MAGI2: variants seen among roughly 807,000 people sequenced by gnomAD.
The protein encoded by MAGI2 is membrane associated guanylate kinase, WW and PDZ domain containing 2.
Under a neutral mutation model 133.3 loss-of-function variants are expected in MAGI2, and 35 were observed. The observed-to-expected ratio is 0.26, with a 90% confidence interval of 0.20 to 0.35. The LOEUF is 0.35. Ranked by LOEUF, MAGI2 falls within the 10% of genes least tolerant of loss-of-function variation. The pLI, the probability that MAGI2 is intolerant of heterozygous loss-of-function variation, is 1.00. For missense variants in MAGI2, 1,636 were observed against 1,863.4 expected (o/e 0.88, Z 2.25); for synonymous variants, 729 against 710.6 (o/e 1.03, Z -0.41).
chr7:78,942,321 C>G (rs1801051224), intron 2 of MAGI2, among the ~76,000 whole-genome samples: 1 of 151,886 alleles, frequency 6.6e-6, no homozygotes, highest in Admixed American at 6.6e-5. Flanking sequence ...CCCCATTATT[C>G]CCTGTTGATT....
rs540007358 is a variant in MAGI2, at chr7:78,906,328, G to A, written c.418+100762C>T. 3.0e-4 allele frequency among the ~76,000 whole-genome samples: 46 copies of A among 152,260 alleles called. No individual in the cohort carries two copies. In the South Asian group the frequency reaches 4.3e-3, roughly 14 times the overall value. On this transcript the variant is annotated intron_variant, in intron 2 of 21. Coordinates refer to ENST00000354212, the MANE Select transcript of MAGI2 (RefSeq NM_012301.4). ...ATACTCCCTCTTCATTTTCTCTTCC[G>A]TTTCATTGCTTTCGTCTAGTTACAT...
At chr7:78,358,102 G>T (rs145928750) in intron 7 of MAGI2, among the ~76,000 whole-genome samples, 202 of 139,810 alleles carry the variant, frequency 1.4e-3, no homozygotes, top group African/African-American at 5.0e-3. Context: ...AGTCGAGGCT[G>T]CAGTGAGCAG....
chr7:78,408,164 CAG>C (rs5885058), intron 6 of MAGI2, among the ~76,000 whole-genome samples: 57 of 152,016 alleles, frequency 3.7e-4, no homozygotes, highest in African/African-American at 1.4e-3. Flanking sequence ...AATATAAAAA[CAG>C]TATATATTTA....
rs1179872607 is a variant in MAGI2, at chr7:78,127,259, C to A, written c.3361G>T (p.Asp1121Tyr). ...PLDYRQPPLLDYRQHSPDTRQ... is the reference protein window; with the variant it reads ...PLDYRQPPLLYYRQHSPDTRQ... ...GTGTCGGGGGAGTGCTGCCTGTAGT[C>A]CAGTAGGGGAGGCTGCCTGTAGTCC... Residue 1121 changes from aspartate to tyrosine, a missense_variant, in exon 19 of 22, where the codon GAC becomes TAC. Asp to Tyr is a radical substitution (Grantham distance 160). Coordinates refer to ENST00000354212, the MANE Select transcript of MAGI2 (RefSeq NM_012301.4). The A allele has an allele frequency of 4.4e-6, 7 of 1,608,630 alleles. No individual in the cohort carries two copies. Among genetic ancestry groups the A allele is most frequent in the Non-Finnish European group, 5.9e-6 (7 of 1,177,274 alleles).
chr7:78,533,010 C>T lies in MAGI2; in HGVS notation c.539-11365G>A, dbSNP rs567305793. On this transcript the variant is annotated intron_variant, in intron 3 of 21. Coordinates refer to ENST00000354212, the MANE Select transcript of MAGI2 (RefSeq NM_012301.4). ...AGGCTGGAGTGCAGTGGCACAATCT[C>T]GGCTCACTGCAAGCTCTGCCTCCCG... 2.8e-3 allele frequency among the ~76,000 whole-genome samples: 420 copies of T among 151,700 alleles called. 4 individuals carry two copies. The highest frequency in any genetic ancestry group is 9.6e-3 in the African/African-American group (397 of 41,360).
intron 9 of MAGI2, among the ~76,000 whole-genome samples, chr7:78,272,476 T>G (rs1017107499): frequency 6.6e-6 from 1 of 152,200 alleles, no homozygotes; most frequent in Non-Finnish European, 1.5e-5. Context: ...CAGAGCTGAG[T>G]TCAAGTCCTG....
Position 79,079,661 on chromosome 7 carries a change from A to T in MAGI2, c.302-72455T>A, listed in dbSNP as rs538104625. On this transcript the variant is annotated intron_variant, in intron 1 of 21. Coordinates refer to ENST00000354212, the MANE Select transcript of MAGI2 (RefSeq NM_012301.4). The stretch of plus-strand genomic sequence containing the variant: ...TGAGGTACTCACATATCTAGACATG[A>T]AACTAGAAAACCTGACTATCAATAG... Among the ~76,000 whole-genome samples, 8 of 152,302 alleles carry T rather than the reference A, an allele frequency of 5.3e-5. No individual in the cohort carries two copies. In the East Asian group the frequency reaches 1.5e-3, roughly 29 times the overall value.
chr7:78,991,082 C>T (rs375023717), intron 2 of MAGI2, among the ~76,000 whole-genome samples: 2 of 151,796 alleles, frequency 1.3e-5, no homozygotes, highest in African/African-American at 4.8e-5. Flanking sequence ...AGTGAAGGAG[C>T]TCTCACGAGA....
chr7:78,042,211 G>C (rs148671619), intron 21 of MAGI2, among the ~76,000 whole-genome samples: 12 of 152,172 alleles, frequency 7.9e-5, no homozygotes, highest in African/African-American at 2.4e-4. Context: ...CAGGGTCATG[G>C]GGTCTTTGTT....
At chr7:79,431,007 T>G (rs1847739746) in intron 1 of MAGI2, among the ~76,000 whole-genome samples, 1 of 152,218 alleles carries the variant, frequency 6.6e-6, no homozygotes, top group Non-Finnish European at 1.5e-5. Flanking sequence ...ACCTATTCTT[T>G]TCTTTCCCTT....
chr7:78,457,293 T>C (rs1044233216), intron 6 of MAGI2, among the ~76,000 whole-genome samples: 4 of 152,204 alleles, frequency 2.6e-5, no homozygotes, highest in Admixed American at 2.6e-4. Flanking sequence ...TTCTATGTTG[T>C]TTTATTCCCT....
chr7:78,237,500 T>A (rs1790675688), intron 10 of MAGI2, among the ~76,000 whole-genome samples: 1 of 152,158 alleles, frequency 6.6e-6, no homozygotes, highest in Non-Finnish European at 1.5e-5. Flanking sequence ...AAGAATCTCC[T>A]CGATACAATG....
At chr7:78,924,302 G>A (rs562682848) in intron 2 of MAGI2, among the ~76,000 whole-genome samples, 2 of 152,150 alleles carry the variant, frequency 1.3e-5, no homozygotes, top group East Asian at 1.9e-4. Context: ...TCCAGTTGTT[G>A]CCCATTCAGT....
chr7:78,670,530 C>T (rs1223089889), intron 2 of MAGI2, among the ~76,000 whole-genome samples: 1 of 152,188 alleles, frequency 6.6e-6, no homozygotes, highest in Non-Finnish European at 1.5e-5. Flanking sequence ...CCATCCCCAT[C>T]AAGCTACCAA....
At chr7:78,708,731 C>T (rs1818889795) in intron 2 of MAGI2, among the ~76,000 whole-genome samples, 1 of 152,076 alleles carries the variant, frequency 6.6e-6, no homozygotes, top group African/African-American at 2.4e-5. Context: ...GTGGTAAGCT[C>T]ACCCTCACAT....
chr7:79,415,282 G>A (rs2129174585), intron 1 of MAGI2: 1 of 152,202 alleles, frequency 6.6e-6, no homozygotes, highest in Admixed American at 6.6e-5. Flanking sequence ...CTGAATTCAG[G>A]CTAATTGTAT....
At chr7:78,676,195 C>T (rs1356432435) in intron 2 of MAGI2, among the ~76,000 whole-genome samples, 2 of 151,934 alleles carry the variant, frequency 1.3e-5, no homozygotes, top group African/African-American at 4.8e-5. Context: ...TCTATAGTCC[C>T]AAAAGATATA....
intron 2 of MAGI2, among the ~76,000 whole-genome samples, chr7:78,825,090 G>A (rs1018574871): frequency 6.6e-6 from 1 of 152,056 alleles, no homozygotes; most frequent in African/African-American, 2.4e-5. Flanking sequence ...AAGGGAGGGA[G>A]AGCATTTGGA....
At chr7:79,251,670 G>A (rs1197493568) in intron 1 of MAGI2, among the ~76,000 whole-genome samples, 1 of 152,128 alleles carries the variant, frequency 6.6e-6, no homozygotes, top group Non-Finnish European at 1.5e-5. Flanking sequence ...ATAGAGAATA[G>A]TTTGGAGGTT....
Sources: gnomAD v4.1 joint callset for allele counts (sites outside exome capture counted in the v4.1 genomes callset) on GRCh38, gnomAD v4.1.1 for gene constraint, MANE v1.5 for transcripts, NCBI Gene and HGNC (gene_info 2026-07-23, HGNC 2026-07-21) for gene names.